Variants in CLPSL2 observed in about 807,000 individuals in gnomAD.
The protein encoded by CLPSL2 is colipase-like protein 2.
A neutral mutation model predicts 7.9 loss-of-function variants in CLPSL2; 4 were observed. The observed-to-expected ratio is 0.50, with a 90% CI of 0.25 to 1.15. CLPSL2 has a LOEUF of 1.15. Among genes scored for constraint, CLPSL2 ranks in the 50% most tolerant of loss-of-function variants. CLPSL2 has a pLI of 0.15. For synonymous variants in CLPSL2, 67 were observed against 53.1 expected (o/e 1.26, Z -1.14); for missense variants, 132 against 136.6 (o/e 0.97, Z 0.17).
At chr6:35,778,277 T>A (rs961741993) in intron 2 of CLPSL2, among the ~76,000 whole-genome samples, 4 of 152,158 alleles carry the variant, frequency 2.6e-5, no homozygotes, top group African/African-American at 9.7e-5. Context: ...GTTGAATGAA[T>A]GAATATCTCT....
At chr6:35,778,615 T>G (rs995225860) in intron 2 of CLPSL2, among the ~76,000 whole-genome samples, 1 of 152,238 alleles carries the variant, frequency 6.6e-6, no homozygotes, top group African/African-American at 2.4e-5. Context: ...CTTTTAGGAA[T>G]GCAGGGAGCA....
At chr6:35,776,804 G>C (rs1225010943) in intron 1 of CLPSL2, 102 bp downstream of exon 1, 2 of 1,098,294 alleles carry the variant, frequency 1.8e-6, no homozygotes, top group African/African-American at 3.3e-5. Context: ...GAAAGGGAGA[G>C]GTGGGTCCGG....
chr6:35,776,702 G>A lies in CLPSL2; in HGVS notation c.84G>A (p.Lys28=), dbSNP rs987323297. 7.1e-7 allele frequency: 1 copy of A among 1,416,310 alleles called. No individual in the cohort carries two copies. Among genetic ancestry groups the A allele is most frequent in the East Asian group, 3.0e-5 (1 of 33,072 alleles). The allele number at this position is 1,416,310 out of a possible 1,614,324, so 87.7% of individuals were successfully genotyped here. Residue 28 remains lysine (K), a splice_region_variant and synonymous_variant, in exon 1 of 3, where the codon AAG becomes AAA. Transcript: ENST00000403376. The stretch of plus-strand genomic sequence containing the variant: ...GGAGCGCGCTTCCGCAATATAAAAA[G>A]GTGAGCCGGGGAGCGCGCCCAGCCG... ...PLWSALPQYK[K]KITDRCFHHS... is the part of the protein sequence containing the mutation.
At chr6:35,776,798 G>T in intron 1 of CLPSL2, 96 bp downstream of exon 1, 1 of 1,128,712 alleles carries the variant, frequency 8.9e-7, no homozygotes, top group Non-Finnish European at 1.2e-6. Flanking sequence ...CAGCCTGAAA[G>T]GGAGAGGTGG....
At chr6:35,776,830 G>A in intron 1 of CLPSL2, 128 bp downstream of exon 1, 3 of 756,864 alleles carry the variant, frequency 4.0e-6, no homozygotes, top group Non-Finnish European at 5.7e-6. Flanking sequence ...CACCCAGGCG[G>A]GTAGCCTGGG....
chr6:35,778,506 A>C (rs1767890300), intron 2 of CLPSL2, among the ~76,000 whole-genome samples: 1 of 152,224 alleles, frequency 6.6e-6, no homozygotes, highest in Non-Finnish European at 1.5e-5. Context: ...TAGTTTCCTC[A>C]TCTACAAGGA....
At position 35,777,600 on chromosome 6, in the gene CLPSL2, G is replaced by C. The variant is rs753083067; in HGVS notation, c.207+19G>C. 17 of 1,600,358 alleles carry C rather than the reference G, an allele frequency of 1.1e-5. No individual in the cohort carries two copies. Among genetic ancestry groups the C allele is most frequent in the Middle Eastern group, 1.7e-4 (1 of 5,886 alleles). On this transcript the variant is annotated intron_variant, in intron 2 of 2. Coordinates refer to ENST00000403376, the MANE Select transcript of CLPSL2 (RefSeq NM_207409.4). ...GCCCCAGGTGAGGCCCTAGTATGGG[G>C]CAACTTCTGGCAAGTAGAGAAGCGG...
intron 2 of CLPSL2, chr6:35,777,954 G>A: frequency 1.4e-6 from 1 of 715,554 alleles, no homozygotes; most frequent in Non-Finnish European, 2.6e-6. Flanking sequence ...AATGCTTATT[G>A]TTGTTTGTTT....
intron 1 of CLPSL2, chr6:35,776,915 AC>A: frequency 2.3e-6 from 1 of 430,814 alleles, no homozygotes; most frequent in Non-Finnish European, 4.1e-6. Context: ...TTGGCCTATG[AC>A]CAGCACCCTC....
intron 2 of CLPSL2, 106 bp downstream of exon 2, chr6:35,777,687 C>T (rs937588937): frequency 3.9e-6 from 5 of 1,292,008 alleles, no homozygotes; most frequent in Non-Finnish European, 5.3e-6. Context: ...TCTGGAGTGC[C>T]CTTCTTCTTC....
chr6:35,779,408 A>C lies in CLPSL2; in HGVS notation c.261A>C (p.Ile87=). The change falls in exon 3 of 3, where the codon ATA becomes ATC. Residue 87 remains isoleucine, a synonymous_variant. Coordinates refer to ENST00000403376, the MANE Select transcript of CLPSL2 (RefSeq NM_207409.4). ...ICPCRMGLTC[I]SKDLMCSRRC... ...CTTGCCGGATGGGCTTGACGTGCAT[A>C]TCCAAGGACTTGATGTGTTCCCGCC... 1 of 1,584,582 alleles carries C rather than the reference A, an allele frequency of 6.3e-7. No individual in the cohort carries two copies. Among genetic ancestry groups the C allele is most frequent in the Non-Finnish European group, 8.6e-7 (1 of 1,164,428 alleles).
In CLPSL2 at chr6:35,776,709, CG is replaced by C; in HGVS notation, c.84+11del. 7.2e-7 allele frequency: 1 copy of C among 1,386,780 alleles called. No individual in the cohort carries two copies. The highest frequency in any genetic ancestry group is 9.3e-7 in the Non-Finnish European group (1 of 1,074,906). 85.9% of individuals were successfully genotyped at this position (1,386,780 alleles called of 1,614,324 possible). On this transcript the variant is annotated splice_region_variant and intron_variant, in intron 1 of 2. Transcript: ENST00000403376. ...GCTTCCGCAATATAAAAAGGTGAGC[CG>C]GGGAGCGCGCCCAGCCGGCCGCGAC...
intron 2 of CLPSL2, chr6:35,777,881 A>G (rs995497129): frequency 5.2e-5 from 37 of 717,570 alleles, no homozygotes; most frequent in Non-Finnish European, 8.3e-5. Context: ...CAGGGATCGC[A>G]TCATATTCAT....
In CLPSL2 at chr6:35,779,431, G is replaced by T. The variant is rs1402931204; in HGVS notation, c.284G>T (p.Arg95Leu). 2 of 1,583,438 alleles carry T rather than the reference G, an allele frequency of 1.3e-6. No individual in the cohort carries two copies. Among genetic ancestry groups the T allele is most frequent in the Non-Finnish European group, 1.7e-6 (2 of 1,164,656 alleles). ...ATATCCAAGGACTTGATGTGTTCCC[G>T]CCGGTGCCATATGATTTAGAGGAAG... is the stretch of plus-strand genomic sequence containing the variant. The part of the protein sequence containing the change: ...TCISKDLMCS[R>L]RCHMI The change falls in exon 3 of 3, where the codon CGC becomes CTC. Residue 95 changes from arginine to leucine, a missense_variant. Transcript: ENST00000403376.
chr6:35,776,922 C>G (rs1314253938), intron 1 of CLPSL2: 5 of 422,956 alleles, frequency 1.2e-5, no homozygotes, highest in Non-Finnish European at 2.1e-5. Flanking sequence ...ATGACCAGCA[C>G]CCTCGCTCCC....
chr6:35,778,702 A>G (rs755190283), intron 2 of CLPSL2, among the ~76,000 whole-genome samples: 4 of 152,196 alleles, frequency 2.6e-5, no homozygotes, highest in African/African-American at 7.2e-5. Context: ...CCCAGCCTCT[A>G]TGTCCCTGTG....
chr6:35,776,607 C>T lies in CLPSL2; in HGVS notation c.-12C>T, dbSNP rs1473371357. On this transcript the variant is annotated 5_prime_UTR_variant, in exon 1 of 3. Coordinates refer to ENST00000403376, the MANE Select transcript of CLPSL2 (RefSeq NM_207409.4). ...CCCTCGGAACCCCGCCGCTGCTCTG[C>T]CGCCCAGGCCCATGGCCGCAGCCCT... The T allele has an allele frequency of 8.7e-6, 13 of 1,497,450 alleles. No homozygotes were observed. Among genetic ancestry groups the T allele is most frequent in the South Asian group, 1.2e-5 (1 of 80,896 alleles). The allele number at this position is 1,497,450 out of a possible 1,614,324, so 92.8% of individuals were successfully genotyped here.
At chr6:35,777,678 C>A in intron 2 of CLPSL2, 97 bp downstream of exon 2, 1 of 1,339,486 alleles carries the variant, frequency 7.5e-7, no homozygotes, top group Non-Finnish European at 1.0e-6. Flanking sequence ...TCACCTCTGT[C>A]TGGAGTGCCC....
rs1389936037 is a variant in CLPSL2, at chr6:35,779,366, T to C, written c.219T>C (p.Ala73=). The C allele has an allele frequency of 2.5e-6, 4 of 1,573,102 alleles. No individual in the cohort carries two copies. The East Asian group carries it at 7.0e-5, about 27-fold the overall frequency. ...CCCACTCCCTGCAGACCAAGGGAGC[T>C]ACCAACATCATCTGCCCTTGCCGGA... is the stretch of plus-strand genomic sequence containing the variant. ...TMICLPQTKG[A]TNIICPCRMG... is the part of the protein sequence containing the mutation. Residue 73 remains alanine (A), a synonymous_variant, in exon 3 of 3, where the codon GCT becomes GCC. Coordinates refer to ENST00000403376, the MANE Select transcript of CLPSL2 (RefSeq NM_207409.4).
Sources: gnomAD v4.1 joint callset for allele counts (sites outside exome capture counted in the v4.1 genomes callset) on GRCh38, gnomAD v4.1.1 for gene constraint, MANE v1.5 for transcripts, NCBI Gene and HGNC (gene_info 2026-07-23, HGNC 2026-07-21) for gene names.